CEP164: variants seen among roughly 807,000 people sequenced by gnomAD.
CEP164 encodes the protein centrosomal protein of 164 kDa.
A neutral mutation model predicts 182.7 loss-of-function variants in CEP164; 162 were observed. That is an observed-to-expected ratio of 0.89 (90% CI 0.78 to 1.01). The LOEUF is 1.01. CEP164 is among the 50% of genes least tolerant of loss of function. The probability of loss-of-function intolerance (pLI) is 0.00; values close to 1 mark genes in which losing one functional copy is unlikely to be tolerated. For missense variants in CEP164, 1,735 were observed against 1,790.4 expected, an observed-to-expected ratio of 0.97 and a Z score of 0.56; for synonymous variants, 661 against 690.0, an observed-to-expected ratio of 0.96 and a Z score of 0.66.
chr11:117,346,061 A>G (rs919412163), intron 4 of CEP164, among the ~76,000 whole-genome samples: 3 of 151,876 alleles, frequency 2.0e-5, no homozygotes, highest in African/African-American at 7.3e-5. Flanking sequence ...ACTTCACACA[A>G]TGTTTGAGGT....
intron 5 of CEP164, among the ~76,000 whole-genome samples, chr11:117,361,400 C>T (rs1293743313): frequency 6.6e-6 from 1 of 151,100 alleles, no homozygotes; most frequent in African/African-American, 2.4e-5. Flanking sequence ...GCCACCACGC[C>T]CGGCTAATTT....
At chr11:117,322,916 C>T (rs886850345), upstream of CEP164, among the ~76,000 whole-genome samples, 19 of 152,026 alleles carry the variant, frequency 1.2e-4, no homozygotes, top group Admixed American at 1.2e-3. Flanking sequence ...CAGGCTCACG[C>T]CACCATGCCC....
chr11:117,339,989 A>C (rs984256943), intron 3 of CEP164, among the ~76,000 whole-genome samples: 4 of 152,034 alleles, frequency 2.6e-5, no homozygotes, highest in Non-Finnish European at 5.9e-5. Flanking sequence ...CCAGGTATTC[A>C]AGCTCTAGGG....
intron 7 of CEP164, among the ~76,000 whole-genome samples, chr11:117,362,743 C>T (rs970244133): frequency 6.6e-6 from 1 of 152,096 alleles, no homozygotes; most frequent in African/African-American, 2.4e-5. Context: ...CTGCACTCCC[C>T]CGCCGCCACT....
intron 30 of CEP164, chr11:117,410,305 T>C (rs1442049618): frequency 3.8e-5 from 17 of 451,162 alleles, no homozygotes; most frequent in Non-Finnish European, 6.9e-5. Context: ...TACCATCTTG[T>C]GCAATACATG....
In CEP164 at chr11:117,394,914, G is replaced by A. The variant is rs201872351; in HGVS notation, c.2761-6G>A. The A allele has an allele frequency of 6.2e-7, 1 of 1,613,678 alleles. No homozygotes were observed. Among genetic ancestry groups the A allele is most frequent in the East Asian group, 2.2e-5 (1 of 44,868 alleles). ...TCTATGCTTATGTGTTTCCCTTTCT[G>A]GGCAGGAAAGGAAGCTCCAGGATTT... is the stretch of plus-strand genomic sequence containing the variant. On this transcript the variant is annotated splice_region_variant and splice_polypyrimidine_tract_variant and intron_variant, in intron 21 of 32. Transcript: ENST00000278935. The surrounding 1 kb of genome is among the most constrained non-coding windows in gnomAD (Gnocchi z 4.0).
intron 2 of CEP164, chr11:117,336,608 C>A: frequency 7.3e-7 from 1 of 1,370,822 alleles, no homozygotes; most frequent in Non-Finnish European, 1.0e-6. Context: ...TTGGCCCTGG[C>A]TGTCTGGCAT....
chr11:117,395,240 T>C, intron 23 of CEP164, 49 bp downstream of exon 23: 1 of 1,590,532 alleles, frequency 6.3e-7, no homozygotes. Flanking sequence ...CCATTTCCTG[T>C]CTTTCTTCTC....
chr11:117,392,997 C>A lies in CEP164; in HGVS notation c.2494-7C>A. ...TTCATGCCACATCCCTGCCATCTCC[C>A]CTGCAGCTCAGCAGTCTCCTGCGAG... On this transcript the variant is annotated splice_region_variant and splice_polypyrimidine_tract_variant and intron_variant, in intron 19 of 32. Transcript: ENST00000278935. 1.2e-6 allele frequency: 2 copies of A among 1,612,764 alleles called. No homozygotes were observed. The highest frequency in any genetic ancestry group is 1.7e-5 in the Admixed American group (1 of 59,988).
At chr11:117,333,246 A>T (rs893508173) in intron 1 of CEP164, among the ~76,000 whole-genome samples, 13 of 152,066 alleles carry the variant, frequency 8.5e-5, no homozygotes, top group African/African-American at 2.9e-4. Context: ...TCCTGGCTTC[A>T]AGTGATCCTC....
chr11:117,386,558 C>T (rs1305238319), intron 14 of CEP164: 1 of 152,584 alleles, frequency 6.6e-6, no homozygotes, highest in Non-Finnish European at 1.5e-5. Flanking sequence ...AGACGGGGAA[C>T]ATGGCACTCA....
At chr11:117,405,268 A>G (rs2046545613) in intron 27 of CEP164, among the ~76,000 whole-genome samples, 1 of 152,114 alleles carries the variant, frequency 6.6e-6, no homozygotes, top group African/African-American at 2.4e-5. Context: ...CTTGAAACCC[A>G]GGGCCCTGGT....
chr11:117,369,268 G>A (rs977303935), intron 8 of CEP164, among the ~76,000 whole-genome samples: 4 of 152,166 alleles, frequency 2.6e-5, no homozygotes, highest in African/African-American at 7.2e-5. Flanking sequence ...GTGCTAATTC[G>A]TTTATTCTTC....
intron 1 of CEP164, among the ~76,000 whole-genome samples, chr11:117,328,663 C>G (rs2035707293): frequency 6.6e-6 from 1 of 152,178 alleles, no homozygotes; most frequent in Non-Finnish European, 1.5e-5. Context: ...CTTCCCCGGT[C>G]CCTCCGATCT....
At chr11:117,355,402 C>G (rs1451599840) in intron 5 of CEP164, 2 of 1,289,822 alleles carry the variant, frequency 1.6e-6, no homozygotes, top group Non-Finnish European at 2.0e-6. Flanking sequence ...TGGTAGAAAG[C>G]AGGAACCAGG....
chr11:117,362,588 T>C (rs767180612), intron 7 of CEP164, 50 bp downstream of exon 7: 5 of 1,558,172 alleles, frequency 3.2e-6, no homozygotes, highest in Non-Finnish European at 3.5e-6. Flanking sequence ...TGCCATATTT[T>C]TTCCTTTTGA....
chr11:117,401,846 G>T (rs945588390), intron 27 of CEP164, among the ~76,000 whole-genome samples: 2 of 151,996 alleles, frequency 1.3e-5, no homozygotes, highest in Non-Finnish European at 2.9e-5. Flanking sequence ...TTTTTATTGT[G>T]TCTATTTGAT....
At chr11:117,347,645 G>A (rs1056085792) in intron 4 of CEP164, among the ~76,000 whole-genome samples, 10 of 151,832 alleles carry the variant, frequency 6.6e-5, no homozygotes, top group African/African-American at 2.4e-4. Flanking sequence ...GGGAGGTGGA[G>A]GTTGCAGTGA....
chr11:117,322,161 G>T (rs868818625), intron 1 of CEP164, among the ~76,000 whole-genome samples: 1 of 152,088 alleles, frequency 6.6e-6, no homozygotes, highest in South Asian at 2.1e-4. Context: ...TGTTGCCCAG[G>T]TTGGAGTACA....
Sources: gnomAD v4.1 joint callset for allele counts (sites outside exome capture counted in the v4.1 genomes callset) on GRCh38, gnomAD v4.1.1 for gene constraint, Gnocchi (gnomAD v3.1) non-coding constraint, MANE v1.5 for transcripts, NCBI Gene and HGNC (gene_info 2026-07-23, HGNC 2026-07-21) for gene names.